The following SDHAF3 variants were observed in gnomAD, a reference collection of about 807,000 sequenced individuals.
SDHAF3 encodes succinate dehydrogenase assembly factor 3, mitochondrial.
In SDHAF3, 18 loss-of-function variants were observed where a neutral mutation model predicts 11.5. The ratio of observed to expected loss-of-function variants is 1.56; its 90% CI spans 1.08 to 2.32. The LOEUF (loss-of-function observed/expected upper bound fraction) is 2.32, where lower values mean the gene tolerates loss of function less well. Ranked by LOEUF, SDHAF3 falls within the 30% of genes most tolerant of loss-of-function variation. SDHAF3 has a pLI of 0.00. For synonymous variants in SDHAF3, 72 were observed against 59.3 expected (o/e 1.21, Z -0.99); for missense variants, 200 against 154.4 (o/e 1.30, Z -1.57).
rs537768953 is a variant in SDHAF3 at position 97,139,312 on chromosome 7, C to T, written c.174+21415C>T. The stretch of plus-strand genomic sequence containing the variant: ...CCCCACCTGAAGGTGGGTAGTCCCC[C>T]ACACCCGGAGATGGGCAGTTCCAAA... On this transcript the variant is annotated intron_variant, in intron 1 of 1. Coordinates refer to ENST00000432641, the MANE Select transcript of SDHAF3 (RefSeq NM_020186.3). 2.4e-4 allele frequency among the ~76,000 whole-genome samples: 36 copies of T among 152,304 alleles called. 1 individual carries two copies. The East Asian group carries it at 7.0e-3, about 29-fold the overall frequency.
intron 1 of SDHAF3, among the ~76,000 whole-genome samples, chr7:97,118,301 T>C (rs1791440484): frequency 6.6e-6 from 1 of 152,220 alleles, no homozygotes; most frequent in African/African-American, 2.4e-5. Context: ...CTTATTTCCG[T>C]AATTTATTAT....
intron 1 of SDHAF3, among the ~76,000 whole-genome samples, chr7:97,151,462 A>G (rs1789218355): frequency 6.6e-6 from 1 of 150,470 alleles, no homozygotes; most frequent in African/African-American, 2.4e-5. Flanking sequence ...CCTCCAAAGA[A>G]TGGGTAAAGC....
chr7:97,171,023 A>G (rs1156690954), intron 1 of SDHAF3, among the ~76,000 whole-genome samples: 1 of 152,070 alleles, frequency 6.6e-6, no homozygotes, highest in African/African-American at 2.4e-5. Context: ...TTTCTATAAT[A>G]TATTCTGTAT....
At position 97,123,829 on chromosome 7, in the gene SDHAF3, C is replaced by T. The variant is rs552738341; in HGVS notation, c.174+5932C>T. ...AGAAGGGTGTGTTCATATCCTTCGC[C>T]CACTTTTGGATGGGTTTTTTTTTTT... On this transcript the variant is annotated intron_variant, in intron 1 of 1. Transcript: ENST00000432641. 4.8e-3 allele frequency among the ~76,000 whole-genome samples: 711 copies of T among 148,108 alleles called. 5 individuals are homozygous for T. Among genetic ancestry groups the T allele is most frequent in the African/African-American group, 0.016 (659 of 40,922 alleles).
intron 1 of SDHAF3, among the ~76,000 whole-genome samples, chr7:97,146,751 A>G (rs1161963354): frequency 6.6e-6 from 1 of 152,000 alleles, no homozygotes; most frequent in Non-Finnish European, 1.5e-5. Context: ...TTGCATTTAA[A>G]TTATAAATAG....
intron 1 of SDHAF3, among the ~76,000 whole-genome samples, chr7:97,133,531 C>T (rs1399431246): frequency 6.6e-6 from 1 of 152,188 alleles, no homozygotes; most frequent in Non-Finnish European, 1.5e-5. Flanking sequence ...CTGAACAGTA[C>T]TGAATGCATA....
chr7:97,174,022 C>G (rs541846161), intron 1 of SDHAF3, among the ~76,000 whole-genome samples: 4 of 152,006 alleles, frequency 2.6e-5, no homozygotes, highest in Admixed American at 2.6e-4. Flanking sequence ...TGGTTTTAAG[C>G]AATTCTCCTG....
chr7:97,136,364 A>G lies in SDHAF3; in HGVS notation c.174+18467A>G, dbSNP rs571584153. On this transcript the variant is annotated intron_variant, in intron 1 of 1. Transcript: ENST00000432641. ...TTTCTTTGTGTAAACCTGTATTTGC[A>G]TAAATCAAATTTGTTTTAAATAGGG... 7 of 597,222 alleles carry G rather than the reference A, an allele frequency of 1.2e-5. No individual in the cohort carries two copies. The East Asian group carries it at 1.4e-4, about 12-fold the overall frequency. 37.0% of individuals were successfully genotyped at this position (597,222 alleles called of 1,614,324 possible).
chr7:97,151,326 G>GA (rs1789216317), intron 1 of SDHAF3, among the ~76,000 whole-genome samples: 1 of 152,126 alleles, frequency 6.6e-6, no homozygotes, highest in Non-Finnish European at 1.5e-5. Flanking sequence ...GCTGCAGAAA[G>GA]AAATAGGGGC....
At chr7:97,121,179 G>A (rs1318911530) in intron 1 of SDHAF3, among the ~76,000 whole-genome samples, 1 of 152,192 alleles carries the variant, frequency 6.6e-6, no homozygotes, top group African/African-American at 2.4e-5. Context: ...TAGATCGGGG[G>A]TCTTACTACG....
chr7:97,141,639 G>A (rs1358986895), intron 1 of SDHAF3, among the ~76,000 whole-genome samples: 10 of 152,166 alleles, frequency 6.6e-5, no homozygotes, highest in South Asian at 2.1e-4. Context: ...ACTGACTAGC[G>A]CCTGCCATCA....
chr7:97,164,513 A>G (rs1584230385), intron 1 of SDHAF3, among the ~76,000 whole-genome samples: 2 of 151,282 alleles, frequency 1.3e-5, no homozygotes, highest in East Asian at 3.9e-4. Context: ...AGTAGCTGAG[A>G]TTATAGGTGT....
At chr7:97,145,981 A>G (rs1006825854) in intron 1 of SDHAF3, among the ~76,000 whole-genome samples, 92 of 152,224 alleles carry the variant, frequency 6.0e-4, no homozygotes, top group Admixed American at 1.0e-3. Flanking sequence ...AAATATATTT[A>G]TAATAAAAAT....
chr7:97,148,113 C>T lies in SDHAF3; in HGVS notation c.174+30216C>T, dbSNP rs1381267639. ...TTTCACCATGTCGTCAAGCTGGTCC[C>T]GAACTCCAGACCCCAAGTGATCCAC... On this transcript the variant is annotated intron_variant, in intron 1 of 1. Coordinates refer to ENST00000432641, the MANE Select transcript of SDHAF3 (RefSeq NM_020186.3). 6.6e-5 allele frequency among the ~76,000 whole-genome samples: 10 copies of T among 152,102 alleles called. No individual in the cohort carries two copies. In the East Asian group the frequency reaches 1.2e-3, roughly 18 times the overall value.
At chr7:97,129,320 C>CTGTCTCTT (rs1420494598) in intron 1 of SDHAF3, among the ~76,000 whole-genome samples, 1 of 152,158 alleles carries the variant, frequency 6.6e-6, no homozygotes, top group African/African-American at 2.4e-5. Flanking sequence ...GGCAGTTTGG[C>CTGTCTCTT]TGTCTCTTTA....
Position 97,181,072 on chromosome 7 carries a change from G to C in SDHAF3, c.235G>C (p.Ala79Pro). The change falls in exon 2 of 2, where the codon GCA becomes CCA. Residue 79 changes from alanine (A) to proline (P), a missense_variant. Transcript: ENST00000432641. Reference protein sequence around the residue: ...NENRQNSTGKACFGTFLPEEK... With the variant: ...NENRQNSTGKPCFGTFLPEEK... ...AAACAGACAAAATTCAACTGGAAAA[G>C]CATGTTTTGGCACCTTCCTCCCAGA... 1 of 1,613,972 alleles carries C rather than the reference G, an allele frequency of 6.2e-7. No individual in the cohort carries two copies. The highest frequency in any genetic ancestry group is 8.5e-7 in the Non-Finnish European group (1 of 1,179,928).
At chr7:97,160,623 A>G (rs768440957) in intron 1 of SDHAF3, among the ~76,000 whole-genome samples, 2 of 152,190 alleles carry the variant, frequency 1.3e-5, no homozygotes, top group Non-Finnish European at 2.9e-5. Context: ...AAAAGAAAAA[A>G]AAGAATAGGC....
chr7:97,134,806 G>T (rs1456305955), intron 1 of SDHAF3, among the ~76,000 whole-genome samples: 2 of 152,074 alleles, frequency 1.3e-5, no homozygotes, highest in South Asian at 2.1e-4. Context: ...ACAGTTTCTG[G>T]GTGCTCATAA....
chr7:97,138,372 A>G (rs1788965933), intron 1 of SDHAF3, among the ~76,000 whole-genome samples: 1 of 150,446 alleles, frequency 6.6e-6, no homozygotes, highest in African/African-American at 2.5e-5. Context: ...CACGTTGGCC[A>G]GGCTGGTTTC....
Sources: gnomAD v4.1 joint callset for allele counts (sites outside exome capture counted in the v4.1 genomes callset) on GRCh38, gnomAD v4.1.1 for gene constraint, MANE v1.5 for transcripts, NCBI Gene and HGNC (gene_info 2026-07-23, HGNC 2026-07-21) for gene names.